FAM83F: variants seen among roughly 807,000 people sequenced by gnomAD.
The protein encoded by FAM83F is protein FAM83F.
A neutral mutation model predicts 42.9 loss-of-function variants in FAM83F; 45 were observed. The observed-to-expected ratio is 1.05, with a 90% CI of 0.83 to 1.35. The LOEUF is 1.35. FAM83F is among the 40% of genes most tolerant of loss of function. FAM83F has a pLI of 0.00. For synonymous variants in FAM83F, 306 were observed against 298.3 expected, an observed-to-expected ratio of 1.03 and a Z score of -0.27; for missense variants, 617 against 695.9, an observed-to-expected ratio of 0.89 and a Z score of 1.28.
Position 40,042,866 on chromosome 22 carries a change from A to G in FAM83F, c.*13301A>G, listed in dbSNP as rs2067658148. 1 of 152,192 alleles carries G rather than the reference A, an allele frequency of 6.6e-6. No individual in the cohort carries two copies. The highest frequency in any genetic ancestry group is 1.5e-5 in the Non-Finnish European group (1 of 68,014). The allele number at this position is 152,192 out of a possible 1,614,324, so 9.4% of individuals were successfully genotyped here. On this transcript the variant is annotated 3_prime_UTR_variant, in exon 5 of 5. Transcript: ENST00000333407. ...TAGGGGTCCAAGCAACCAACTTTGAAGATTAGGAAGGTTTTAGATTCTGAA... is the reference window on the plus strand; with the variant it reads ...TAGGGGTCCAAGCAACCAACTTTGAGGATTAGGAAGGTTTTAGATTCTGAA...
At chr22:40,022,012 C>T (rs1230518304) in intron 4 of FAM83F, 49 bp downstream of exon 4, 22 of 1,449,954 alleles carry the variant, frequency 1.5e-5, no homozygotes, top group South Asian at 4.2e-5. Flanking sequence ...CTCTGGCCCT[C>T]GCCCCGCATC....
At position 40,043,393 on chromosome 22, in the gene FAM83F, G is replaced by A. The variant is rs142116863; in HGVS notation, c.*13828G>A. The A allele has an allele frequency of 1.8e-4, 27 of 152,328 alleles. No individual in the cohort carries two copies. Among genetic ancestry groups the A allele is most frequent in the African/African-American group, 6.5e-4 (27 of 41,568 alleles). 9.4% of individuals were successfully genotyped at this position (152,328 alleles called of 1,614,324 possible). A position where few individuals can be genotyped will look rare whatever the true frequency, so the allele number is the denominator to read the frequency against. On this transcript the variant is annotated 3_prime_UTR_variant, in exon 5 of 5. Transcript: ENST00000333407. ...CTGGCTGAAATGTTGGATTCACTTCGATGAATGCTGCTATAGGGAAAGAAC... is the reference window on the plus strand; with the variant it reads ...CTGGCTGAAATGTTGGATTCACTTCAATGAATGCTGCTATAGGGAAAGAAC...
At chr22:40,027,126 G>T (rs1171289742) in intron 4 of FAM83F, among the ~76,000 whole-genome samples, 1 of 152,204 alleles carries the variant, frequency 6.6e-6, no homozygotes, top group South Asian at 2.1e-4. Flanking sequence ...CGAGGATTAG[G>T]GGAGGATGAC....
rs1283082050 is a variant in FAM83F, at chr22:40,003,549, G to GA, written c.489+8018_489+8019insA. On this transcript the variant is annotated intron_variant, in intron 1 of 4. Transcript: ENST00000333407. ...GCTGACCACCTGCCCCCTGCTCAGG[G>GA]GGGGTGTCCTGAGCCACCCCCAAGG... Among the ~76,000 whole-genome samples the GA allele has an allele frequency of 3.3e-5, 5 of 151,978 alleles. No homozygotes were observed. The East Asian group carries it at 5.8e-4, about 18-fold the overall frequency.
chr22:40,026,592 C>A (rs1009284507), intron 4 of FAM83F, among the ~76,000 whole-genome samples: 2 of 152,148 alleles, frequency 1.3e-5, no homozygotes, highest in African/African-American at 4.8e-5. Flanking sequence ...CAGCCCTTTC[C>A]CACGGTGTTG....
In FAM83F at chr22:40,041,241, A is replaced by G. The variant is rs1370710934; in HGVS notation, c.*11676A>G. 6.6e-6 allele frequency: 1 copy of G among 152,224 alleles called. No individual in the cohort carries two copies. Among genetic ancestry groups the G allele is most frequent in the Non-Finnish European group, 1.5e-5 (1 of 68,036 alleles). The allele number at this position is 152,224 out of a possible 1,614,324, so 9.4% of individuals were successfully genotyped here. A position where few individuals can be genotyped will look rare whatever the true frequency, so the allele number is the denominator to read the frequency against. ...AGAACATAGTGCACTTGGCCTGCAT[A>G]CAAGTGTGCAGGGCTTAACGAGTCT... On this transcript the variant is annotated 3_prime_UTR_variant, in exon 5 of 5. Transcript: ENST00000333407.
At chr22:40,018,207 G>C (rs1372026738) in intron 1 of FAM83F, among the ~76,000 whole-genome samples, 1 of 152,246 alleles carries the variant, frequency 6.6e-6, no homozygotes, top group African/African-American at 2.4e-5. Context: ...AAGCCAGCCG[G>C]AGCTCTGCCT....
At chr22:39,996,521 G>A (rs2067374092) in intron 1 of FAM83F, among the ~76,000 whole-genome samples, 2 of 152,212 alleles carry the variant, frequency 1.3e-5, no homozygotes, top group African/African-American at 4.8e-5. Flanking sequence ...GCCCTACACT[G>A]AGATTTGTTA....
At position 40,037,477 on chromosome 22, in the gene FAM83F, C is replaced by T. The variant is rs1160570634; in HGVS notation, c.*7912C>T. On this transcript the variant is annotated 3_prime_UTR_variant, in exon 5 of 5. Transcript: ENST00000333407. ...TGGTCCTCAAGCCTGGGCTTGCTGACCTCTGGCCTAGGACACCTCTCCTTT... is the reference window on the plus strand; with the variant it reads ...TGGTCCTCAAGCCTGGGCTTGCTGATCTCTGGCCTAGGACACCTCTCCTTT... 2.0e-5 allele frequency: 3 copies of T among 152,294 alleles called. No homozygotes were observed. The highest frequency in any genetic ancestry group is 2.1e-4 in the South Asian group (1 of 4,836). The allele number at this position is 152,294 out of a possible 1,614,324, so 9.4% of individuals were successfully genotyped here. A position where few individuals can be genotyped will look rare whatever the true frequency, so the allele number is the denominator to read the frequency against.
chr22:40,022,032 C>T lies in FAM83F; in HGVS notation c.1453+69C>T, dbSNP rs2067526529. The stretch of plus-strand genomic sequence containing the variant: ...GCCCTCGCCCCGCATCGGCTCTTAT[C>T]CAGGAGCACTGCCTCATACCTGCAG... On this transcript the variant is annotated intron_variant, in intron 4 of 4. Transcript: ENST00000333407. 4 of 1,328,646 alleles carry T rather than the reference C, an allele frequency of 3.0e-6. No homozygotes were observed. In the South Asian group the frequency reaches 4.5e-5, roughly 15 times the overall value. The allele number at this position is 1,328,646 out of a possible 1,614,324, so 82.3% of individuals were successfully genotyped here. A position where few individuals can be genotyped will look rare whatever the true frequency, so the allele number is the denominator to read the frequency against.
At chr22:40,013,575 T>C (rs1273103371) in intron 1 of FAM83F, among the ~76,000 whole-genome samples, 2 of 152,242 alleles carry the variant, frequency 1.3e-5, no homozygotes, top group East Asian at 3.8e-4. Flanking sequence ...TTACTCTCTA[T>C]AGGACAAGTG....
At position 40,043,006 on chromosome 22, in the gene FAM83F, C is replaced by G. The variant is rs530375929; in HGVS notation, c.*13441C>G. 2.6e-5 allele frequency: 4 copies of G among 152,298 alleles called. No homozygotes were observed. Among genetic ancestry groups the G allele is most frequent in the African/African-American group, 9.6e-5 (4 of 41,564 alleles). The allele number at this position is 152,298 out of a possible 1,614,324, so 9.4% of individuals were successfully genotyped here. A position where few individuals can be genotyped will look rare whatever the true frequency, so the allele number is the denominator to read the frequency against. ...TCTTACAACCTATATTAGAATTTGA[C>G]GCACGATCTTTCTTCTGTCCTTCTT... On this transcript the variant is annotated 3_prime_UTR_variant, in exon 5 of 5. Transcript: ENST00000333407.
At chr22:39,999,392 A>C (rs1258454212) in intron 1 of FAM83F, among the ~76,000 whole-genome samples, 2 of 152,090 alleles carry the variant, frequency 1.3e-5, no homozygotes, top group African/African-American at 2.4e-5. Context: ...GTGCTTTGGG[A>C]ACAGAGGCAA....
At chr22:40,015,034 T>C (rs1233351401) in intron 1 of FAM83F, among the ~76,000 whole-genome samples, 3 of 152,224 alleles carry the variant, frequency 2.0e-5, no homozygotes, top group Admixed American at 6.5e-5. Flanking sequence ...TCAGTGCCTG[T>C]ATTAGTCAGG....
chr22:40,012,795 C>G (rs1474954726), intron 1 of FAM83F, among the ~76,000 whole-genome samples: 6 of 149,408 alleles, frequency 4.0e-5, no homozygotes, highest in African/African-American at 1.2e-4. Context: ...ACAAAAGGGC[C>G]AGGCACGGTG....
rs2067533721 is a variant in FAM83F, at chr22:40,023,458, G to A, written c.1453+1495G>A. On this transcript the variant is annotated intron_variant, in intron 4 of 4. Coordinates refer to ENST00000333407, the MANE Select transcript of FAM83F (RefSeq NM_138435.4). The surrounding 1 kb of genome is among the most constrained non-coding windows in gnomAD (Gnocchi z 4.1). ...GGAAGAGGGGAAGGAGGTGGAAGAG[G>A]GGAAGGAGGGGGCGAGCCGACAGCA... 6.6e-6 allele frequency among the ~76,000 whole-genome samples: 1 copy of A among 152,158 alleles called. No homozygotes were observed. Among genetic ancestry groups the A allele is most frequent in the Admixed American group, 6.5e-5 (1 of 15,286 alleles).
In FAM83F at chr22:40,029,666, G is replaced by T; in HGVS notation, c.*101G>T. The T allele has an allele frequency of 6.7e-7, 1 of 1,498,960 alleles. No individual in the cohort carries two copies. Among genetic ancestry groups the T allele is most frequent in the Non-Finnish European group, 9.0e-7 (1 of 1,113,722 alleles). The allele number at this position is 1,498,960 out of a possible 1,614,324, so 92.9% of individuals were successfully genotyped here. Reference sequence around the variant, plus strand: ...CACTGCACCAGTTTGCACATCAGACGCCAACTGGCCTTCTGCCCTGCAGCC... The same window carrying T: ...CACTGCACCAGTTTGCACATCAGACTCCAACTGGCCTTCTGCCCTGCAGCC... On this transcript the variant is annotated 3_prime_UTR_variant, in exon 5 of 5. Transcript: ENST00000333407.
intron 4 of FAM83F, among the ~76,000 whole-genome samples, chr22:40,026,548 CTG>C (rs2067554071): frequency 6.6e-6 from 1 of 152,058 alleles, no homozygotes; most frequent in South Asian, 2.1e-4. Context: ...AAACAAAAAA[CTG>C]TTCGGAAGAA....
At chr22:40,003,899 T>TTTTA (rs1238104478) in intron 1 of FAM83F, among the ~76,000 whole-genome samples, 6 of 152,000 alleles carry the variant, frequency 3.9e-5, no homozygotes, top group African/African-American at 9.7e-5. Context: ...ATAAGTGTTA[T>TTTTA]TTTATTTATT....
Sources: gnomAD v4.1 joint callset for allele counts (sites outside exome capture counted in the v4.1 genomes callset) on GRCh38, gnomAD v4.1.1 for gene constraint, Gnocchi (gnomAD v3.1) non-coding constraint, MANE v1.5 for transcripts, NCBI Gene and HGNC (gene_info 2026-07-23, HGNC 2026-07-21) for gene names.